The following DSP variants were observed in gnomAD, a reference collection of about 807,000 sequenced individuals.
The protein encoded by DSP is desmoplakin.
A neutral mutation model predicts 290.6 loss-of-function variants in DSP; 114 were observed. The ratio of observed to expected loss-of-function variants is 0.39; its 90% CI spans 0.34 to 0.46. DSP has a LOEUF of 0.46. Ranked by LOEUF, DSP falls within the 20% of genes least tolerant of loss-of-function variation. DSP has a pLI of 0.99. For synonymous variants in DSP, 1,311 were observed against 1,316.4 expected (o/e 1.00, Z 0.09); for missense variants, 3,230 against 3,495.8 (o/e 0.92, Z 1.92).
intron 1 of DSP, among the ~76,000 whole-genome samples, chr6:7,547,865 A>G (rs531558955): frequency 2.6e-5 from 4 of 152,124 alleles, no homozygotes; most frequent in Admixed American, 6.5e-5. Context: ...CACACTTAAT[A>G]CCCAATCCAT....
chr6:7,543,550 T>G (rs2806167), intron 1 of DSP, among the ~76,000 whole-genome samples: 62,756 of 151,816 alleles, frequency 0.41, 13,604 homozygotes, highest in African/African-American at 0.56. Context: ...GTTTTAAAAT[T>G]TTGCCAGCCA....
At chr6:7,581,932 G>T (rs533276204) in intron 23 of DSP, among the ~76,000 whole-genome samples, 1 of 152,032 alleles carries the variant, frequency 6.6e-6, no homozygotes, top group African/African-American at 2.4e-5. Context: ...TTCTTAAATA[G>T]AAGCCATACT....
chr6:7,575,297 A>G lies in DSP; in HGVS notation c.2439A>G (p.Lys813=), dbSNP rs1408211978. The change falls in exon 18 of 24, where the codon AAA becomes AAG. Residue 813 remains lysine, a splice_region_variant and synonymous_variant. Transcript: ENST00000379802. The part of the protein sequence containing the change: ...KVEAYRCGLK[K]IKNDLNLKKS... ...TCTTTTTTTTTTTCATCTTGCAGAA[A>G]ATAAAAAATGACTTGAACTTGAAGA... The G allele has an allele frequency of 6.2e-7, 1 of 1,614,072 alleles. No individual in the cohort carries two copies.
chr6:7,584,900 G>A lies in DSP; in HGVS notation c.7638G>A (p.Gln2546=). Residue 2546 remains glutamine, a synonymous_variant, in exon 24 of 24, where the codon CAG becomes CAA. Transcript: ENST00000379802. The surrounding 1 kb of genome is among the most constrained non-coding windows in gnomAD (Gnocchi z 6.4). ...KGLVDRKFFD[Q]YRSGSLSLTQ... is the part of the protein sequence containing the mutation. Reference sequence around the variant, plus strand: ...TTGTTGACAGGAAGTTCTTTGATCAGTACCGATCCGGCAGCCTCAGCCTCA... The same window carrying A: ...TTGTTGACAGGAAGTTCTTTGATCAATACCGATCCGGCAGCCTCAGCCTCA... 6.2e-7 allele frequency: 1 copy of A among 1,614,210 alleles called. No homozygotes were observed. Among genetic ancestry groups the A allele is most frequent in the Non-Finnish European group, 8.5e-7 (1 of 1,180,036 alleles).
At chr6:7,574,334 C>T (rs1581809092) in intron 16 of DSP, 82 bp downstream of exon 16, 2 of 1,388,714 alleles carry the variant, frequency 1.4e-6, no homozygotes, top group African/African-American at 1.4e-5. Context: ...AGATGCTTGC[C>T]TTACAGTTTC....
chr6:7,546,671 A>T (rs1303368737), intron 1 of DSP, among the ~76,000 whole-genome samples: 1 of 152,152 alleles, frequency 6.6e-6, no homozygotes, highest in African/African-American at 2.4e-5. Context: ...ACCCTTTTCT[A>T]TCTGAGTTAT....
Position 7,559,324 on chromosome 6 carries a change from G to T in DSP, c.521G>T (p.Cys174Phe), listed in dbSNP as rs377507763. 2.5e-4 allele frequency: 400 copies of T among 1,613,742 alleles called. No individual in the cohort carries two copies. The highest frequency in any genetic ancestry group is 3.3e-4 in the Non-Finnish European group (387 of 1,180,044). Residue 174 changes from cysteine to phenylalanine, a missense_variant, in exon 4 of 24, where the codon TGT (cysteine) becomes TTT (phenylalanine). Physicochemically the swap from Cys to Phe is radical, Grantham distance 205 (BLOSUM62 -2). Around this residue, in one of 5 missense-constraint regions of DSP, gnomAD observed 646 missense variants for 684.3 expected, o/e 0.94. Transcript: ENST00000379802. ...ASSKGGGGYT[C>F]QSGSGWDEFT... ...TCCAAGGGTGGTGGAGGCTACACTT[G>T]TCAGAGTGGCTCTGGCTGGGATGAG...
chr6:7,585,684 G>C lies in DSP; in HGVS notation c.8422G>C (p.Val2808Leu). 2 of 1,614,206 alleles carry C rather than the reference G, an allele frequency of 1.2e-6. No homozygotes were observed. Among genetic ancestry groups the C allele is most frequent in the Non-Finnish European group, 1.7e-6 (2 of 1,180,030 alleles). ...GCTGCGCCTTCTGGAAGCCGCCTCC[G>C]TGTCGTCCAAGGGCTTACCCAGCCC... ...TGLRLLEAAS[V>L]SSKGLPSPYN... is the part of the protein sequence containing the mutation. Residue 2808 changes from valine to leucine, a missense_variant, in exon 24 of 24, where the codon GTG (valine) becomes CTG (leucine). Physicochemically the swap from Val to Leu is conservative, Grantham distance 32. Around this residue, in one of 5 missense-constraint regions of DSP, gnomAD observed 582 missense variants for 555.4 expected, o/e 1.05. Transcript: ENST00000379802.
chr6:7,547,163 A>AG (rs1758191355), intron 1 of DSP, among the ~76,000 whole-genome samples: 1 of 152,086 alleles, frequency 6.6e-6, no homozygotes, highest in Admixed American at 6.5e-5. Context: ...GGCTGGTCCC[A>AG]GTGGCCCTGC....
chr6:7,561,702 T>G (rs1479506813), intron 4 of DSP, among the ~76,000 whole-genome samples: 1 of 152,186 alleles, frequency 6.6e-6, no homozygotes, highest in Non-Finnish European at 1.5e-5. Flanking sequence ...CGGGTAACCT[T>G]CTGTTGTCTG....
intron 12 of DSP, among the ~76,000 whole-genome samples, 160 bp from the exon 13 acceptor site, chr6:7,570,277 A>T (rs1202852510): frequency 6.6e-6 from 1 of 152,226 alleles, no homozygotes; most frequent in Non-Finnish European, 1.5e-5. Flanking sequence ...GAGTAAATGA[A>T]TCCAAATCCA....
chr6:7,581,227 C>G lies in DSP; in HGVS notation c.5037C>G (p.His1679Gln). The change falls in exon 23 of 24, where the codon CAC becomes CAG. Residue 1679 changes from histidine to glutamine, a missense_variant. By Grantham distance (24) the His-to-Gln change is conservative. Coordinates refer to ENST00000379802, the MANE Select transcript of DSP (RefSeq NM_004415.4). ...AACAGGAAAGTGTCAAACAAGCTCA[C>G]TTGAGGAATGAGCATTTCCAGAAGG... Reference protein sequence around the residue: ...LQEQESVKQAHLRNEHFQKAI... With the variant: ...LQEQESVKQAQLRNEHFQKAI... 1.2e-6 allele frequency: 2 copies of G among 1,614,114 alleles called. No homozygotes were observed. Among genetic ancestry groups the G allele is most frequent in the Non-Finnish European group, 1.7e-6 (2 of 1,180,036 alleles).
Position 7,574,679 on chromosome 6 carries a change from C to T in DSP, c.2320C>T (p.Leu774Phe), listed in dbSNP as rs1257755738. The T allele has an allele frequency of 6.2e-7, 1 of 1,613,974 alleles. No homozygotes were observed. The highest frequency in any genetic ancestry group is 8.5e-7 in the Non-Finnish European group (1 of 1,179,986). ...CAGCTTATGCACAGTAAGGGCACTGCTCCAGGCTATTCTCCAAACAGAAGA... is the reference window on the plus strand; with the variant it reads ...CAGCTTATGCACAGTAAGGGCACTGTTCCAGGCTATTCTCCAAACAGAAGA... Reference protein sequence around the residue: ...LNSLCTVRALLQAILQTEDML... With the variant: ...LNSLCTVRALFQAILQTEDML... The change falls in exon 17 of 24, where the codon CTC (leucine) becomes TTC (phenylalanine). Residue 774 changes from leucine (L) to phenylalanine (F), a missense_variant. Transcript: ENST00000379802.
Position 7,568,508 on chromosome 6 carries a change from A to G in DSP, c.1338A>G (p.Val446=). Residue 446 remains valine (V), a synonymous_variant, in exon 11 of 24, where the codon GTA becomes GTG. Coordinates refer to ENST00000379802, the MANE Select transcript of DSP (RefSeq NM_004415.4). ...QNLVNKSKKI[V]QLKPRNPDYR... The stretch of plus-strand genomic sequence containing the variant: ...TGGTAAACAAGTCTAAGAAGATTGT[A>G]CAGCTGAAGCCTCGTAACCCAGACT... The G allele has an allele frequency of 6.2e-7, 1 of 1,614,182 alleles. No homozygotes were observed. Among genetic ancestry groups the G allele is most frequent in the Non-Finnish European group, 8.5e-7 (1 of 1,180,028 alleles).
rs58040819 is a variant in DSP, at chr6:7,570,749, C to G, written c.1701+186C>G. On this transcript the variant is annotated intron_variant, in intron 13 of 23. Transcript: ENST00000379802. ...GAGAACAGGAGGGATTAGCATATGGCTGATTATGAGAGAAAGAAGCAATAC... is the reference window on the plus strand; with the variant it reads ...GAGAACAGGAGGGATTAGCATATGGGTGATTATGAGAGAAAGAAGCAATAC... Among the ~76,000 whole-genome samples, 16,887 of 152,146 alleles carry G rather than the reference C, an allele frequency of 0.11. 1,139 individuals carry two copies. Among genetic ancestry groups the G allele is most frequent in the Non-Finnish European group, 0.15 (10,323 of 67,976 alleles).
rs755648614 is a variant in DSP at position 7,580,345 on chromosome 6, A to G, written c.4155A>G (p.Glu1385=). 1.2e-6 allele frequency: 2 copies of G among 1,614,196 alleles called. No homozygotes were observed. The highest frequency in any genetic ancestry group is 1.7e-6 in the Non-Finnish European group (2 of 1,180,028). ...TTIHQLTMQK[E]EDTSGYRAQI... ...TCCACCAGCTCACCATGCAGAAGGA[A>G]GAGGATACCAGTGGCTACCGGGCTC... The change falls in exon 23 of 24, where the codon GAA becomes GAG. Residue 1385 remains glutamate (E), a synonymous_variant. Transcript: ENST00000379802. The surrounding 1 kb of genome is among the most constrained non-coding windows in gnomAD (Gnocchi z 4.2).
rs1432989022 is a variant in DSP, at chr6:7,583,970, G to A, written c.6708G>A (p.Leu2236=). Residue 2236 remains leucine, a synonymous_variant, in exon 24 of 24, where the codon CTG becomes CTA. Transcript: ENST00000379802. This position sits in a 1 kb window ranked among gnomAD's most constrained non-coding sequence, Gnocchi z 4.0. ...TGAGACCGTCCACTGTCAATGAACT[G>A]GAATCTGGTCAGATTTCTTATGACG... ...GILRPSTVNE[L]ESGQISYDEV... is the part of the protein sequence containing the mutation. The A allele has an allele frequency of 1.2e-6, 2 of 1,614,154 alleles. No individual in the cohort carries two copies. The highest frequency in any genetic ancestry group is 2.2e-5 in the East Asian group (1 of 44,886).
intron 1 of DSP, 46 bp from the exon 2 acceptor site, chr6:7,555,672 G>T: frequency 1.9e-6 from 3 of 1,571,152 alleles, no homozygotes; most frequent in Non-Finnish European, 1.8e-6. Flanking sequence ...TTTCAGAATT[G>T]AAATAGGTTA....
At chr6:7,547,486 G>T (rs943829293) in intron 1 of DSP, among the ~76,000 whole-genome samples, 1 of 152,064 alleles carries the variant, frequency 6.6e-6, no homozygotes, top group African/African-American at 2.4e-5. Flanking sequence ...GGAGTGCAGT[G>T]GCATGATCAT....
Sources: allele counts gnomAD v4.1 joint callset (sites outside exome capture counted in the v4.1 genomes callset), GRCh38; gene constraint gnomAD v4.1.1; regional missense constraint gnomAD v4.1.1; non-coding constraint Gnocchi (gnomAD v3.1); transcripts MANE v1.5; gene names NCBI Gene and HGNC (gene_info 2026-07-23, HGNC 2026-07-21).